UVRAG: variants seen among roughly 807,000 people sequenced by gnomAD.
UVRAG encodes UV radiation resistance-associated gene protein.
In UVRAG, 19 loss-of-function variants were observed where a neutral mutation model predicts 78.0. That is an observed-to-expected ratio of 0.24 (90% CI 0.17 to 0.36). UVRAG has a LOEUF of 0.36. UVRAG is among the 10% of genes least tolerant of loss of function. The pLI, the probability that UVRAG is intolerant of heterozygous loss-of-function variation, is 1.00. For missense variants in UVRAG, 740 were observed against 853.8 expected (o/e 0.87, Z 1.66); for synonymous variants, 323 against 324.6 (o/e 1.00, Z 0.05).
At chr11:75,995,101 C>T (rs947641152) in intron 8 of UVRAG, among the ~76,000 whole-genome samples, 3 of 151,372 alleles carry the variant, frequency 2.0e-5, no homozygotes, top group Non-Finnish European at 4.4e-5. Flanking sequence ...ATCTGTTCAC[C>T]TTTTTTAATG....
chr11:75,947,308 T>G (rs1407286631), intron 6 of UVRAG, among the ~76,000 whole-genome samples: 1 of 152,116 alleles, frequency 6.6e-6, no homozygotes, highest in African/African-American at 2.4e-5. Flanking sequence ...AAAGTAACAT[T>G]TCTGGGAGTA....
At chr11:75,969,709 G>A (rs1185012550) in intron 7 of UVRAG, among the ~76,000 whole-genome samples, 1 of 152,160 alleles carries the variant, frequency 6.6e-6, no homozygotes, top group Non-Finnish European at 1.5e-5. Context: ...CATACCATCT[G>A]TTTAGAATCA....
chr11:76,113,027 G>A (rs2134462465), intron 13 of UVRAG, among the ~76,000 whole-genome samples: 1 of 152,170 alleles, frequency 6.6e-6, no homozygotes, highest in Middle Eastern at 3.4e-3. Context: ...TAAGATTTTT[G>A]TTAGAGTTTG....
chr11:76,058,410 G>T (rs1413217632), intron 12 of UVRAG, among the ~76,000 whole-genome samples: 1 of 151,610 alleles, frequency 6.6e-6, no homozygotes, highest in African/African-American at 2.4e-5. Flanking sequence ...GTGCACACCT[G>T]CAGTCCCAGC....
chr11:75,840,336 G>A (rs1440916554), intron 1 of UVRAG, among the ~76,000 whole-genome samples: 1 of 152,014 alleles, frequency 6.6e-6, no homozygotes, highest in Non-Finnish European at 1.5e-5. Flanking sequence ...AATGAGGGGT[G>A]GGGGAAAGAG....
intron 5 of UVRAG, among the ~76,000 whole-genome samples, chr11:75,897,026 T>C (rs1262098590): frequency 2.0e-5 from 3 of 152,218 alleles, no homozygotes; most frequent in Non-Finnish European, 4.4e-5. Flanking sequence ...GTCCAGTAGA[T>C]GGCAATACTT....
At chr11:76,033,770 G>A (rs1034669586) in intron 12 of UVRAG, among the ~76,000 whole-genome samples, 30 of 152,214 alleles carry the variant, frequency 2.0e-4, no homozygotes, top group African/African-American at 7.0e-4. Context: ...ATCAGGAAAT[G>A]CATGTTAAAA....
chr11:76,041,732 T>G (rs1285108392), intron 12 of UVRAG, among the ~76,000 whole-genome samples: 1 of 152,240 alleles, frequency 6.6e-6, no homozygotes, highest in Non-Finnish European at 1.5e-5. Flanking sequence ...TACTTCCAGC[T>G]TAGCCAGGTT....
chr11:76,045,042 G>C (rs1950722663), intron 12 of UVRAG, among the ~76,000 whole-genome samples: 1 of 152,198 alleles, frequency 6.6e-6, no homozygotes, highest in Non-Finnish European at 1.5e-5. Context: ...AGTCGGGTAT[G>C]TCTGGAAGTC....
At position 76,142,471 on chromosome 11, in the gene UVRAG, T is replaced by C. The variant is rs932535686; in HGVS notation, c.*1058T>C. Reference sequence around the variant, plus strand: ...TAGAATACTATTGGTATGTGTGCAATTTCATGAATATTAAATTATGTTTCG... The same window carrying C: ...TAGAATACTATTGGTATGTGTGCAACTTCATGAATATTAAATTATGTTTCG... On this transcript the variant is annotated 3_prime_UTR_variant, in exon 15 of 15. Coordinates refer to ENST00000356136, the MANE Select transcript of UVRAG (RefSeq NM_003369.4). 26 of 152,772 alleles carry C rather than the reference T, an allele frequency of 1.7e-4. No individual in the cohort carries two copies. Among genetic ancestry groups the C allele is most frequent in the African/African-American group, 6.3e-4 (26 of 41,576 alleles). The allele number at this position is 152,772 out of a possible 1,614,324, so 9.5% of individuals were successfully genotyped here.
At chr11:76,013,465 CT>C (rs1294077301) in intron 11 of UVRAG, among the ~76,000 whole-genome samples, 4 of 152,156 alleles carry the variant, frequency 2.6e-5, no homozygotes, top group African/African-American at 9.7e-5. Context: ...TGTCTGTGAC[CT>C]TTCTAACCCC....
intron 1 of UVRAG, among the ~76,000 whole-genome samples, chr11:75,835,520 G>C (rs1159970531): frequency 2.0e-5 from 3 of 152,098 alleles, no homozygotes; most frequent in African/African-American, 7.2e-5. Flanking sequence ...CCATAAAATG[G>C]AGATATTTCC....
At chr11:75,959,179 C>T (rs1046916769) in intron 6 of UVRAG, among the ~76,000 whole-genome samples, 5 of 152,212 alleles carry the variant, frequency 3.3e-5, no homozygotes, top group Non-Finnish European at 5.9e-5. Flanking sequence ...GCATTAACCC[C>T]TAGTAAAAGA....
At chr11:76,085,435 G>T (rs1951572589) in intron 13 of UVRAG, among the ~76,000 whole-genome samples, 1 of 152,162 alleles carries the variant, frequency 6.6e-6, no homozygotes, top group African/African-American at 2.4e-5. Flanking sequence ...CTTGTTGTCA[G>T]TCTGCAGTAA....
chr11:75,956,081 T>C (rs1178801494), intron 6 of UVRAG, among the ~76,000 whole-genome samples: 2 of 152,214 alleles, frequency 1.3e-5, no homozygotes, highest in African/African-American at 4.8e-5. Context: ...CATATTGTTT[T>C]TGAGATCCAT....
chr11:75,855,271 C>T (rs1056193837), intron 2 of UVRAG, among the ~76,000 whole-genome samples: 6 of 152,212 alleles, frequency 3.9e-5, no homozygotes, highest in African/African-American at 1.4e-4. Context: ...CAATCCTCAA[C>T]ACAGTTAGGG....
chr11:75,934,155 C>T (rs932316029), intron 6 of UVRAG, among the ~76,000 whole-genome samples: 5 of 151,972 alleles, frequency 3.3e-5, no homozygotes, highest in East Asian at 1.9e-4. Context: ...AATACTATTC[C>T]GCCATTAAAA....
At chr11:75,881,180 A>T (rs1410106626) in intron 4 of UVRAG, among the ~76,000 whole-genome samples, 1 of 152,042 alleles carries the variant, frequency 6.6e-6, no homozygotes, top group African/African-American at 2.4e-5. Context: ...CATGTGAGAC[A>T]GGTCTCAGTT....
At chr11:75,881,408 T>C (rs1181427033) in intron 4 of UVRAG, among the ~76,000 whole-genome samples, 2 of 152,168 alleles carry the variant, frequency 1.3e-5, no homozygotes, top group East Asian at 3.9e-4. Context: ...GCTTCCAGGT[T>C]ACAGACAGGT....
Sources: gnomAD v4.1 joint callset for allele counts (sites outside exome capture counted in the v4.1 genomes callset) on GRCh38, gnomAD v4.1.1 for gene constraint, MANE v1.5 for transcripts, NCBI Gene and HGNC (gene_info 2026-07-23, HGNC 2026-07-21) for gene names.